Variants in CGGBP1 observed in about 807,000 individuals in gnomAD.
CGGBP1 encodes CGG triplet repeat-binding protein 1.
Under a neutral mutation model 11.4 loss-of-function variants are expected in CGGBP1, and 4 were observed. The ratio of observed to expected loss-of-function variants is 0.35; its 90% confidence interval spans 0.17 to 0.80. The LOEUF is 0.80. CGGBP1 is among the 30% of genes least tolerant of loss of function. The pLI, the probability that CGGBP1 is intolerant of heterozygous loss-of-function variation, is 0.52. For missense variants in CGGBP1, 135 were observed against 202.1 expected, an observed-to-expected ratio of 0.67 and a Z score of 2.01; for synonymous variants, 76 against 74.1, an observed-to-expected ratio of 1.03 and a Z score of -0.13.
chr3:88,140,609 C>G (rs746479451), intron 2 of CGGBP1: 2 of 1,613,658 alleles, frequency 1.2e-6, no homozygotes, highest in Non-Finnish European at 1.7e-6. Flanking sequence ...TCAATGGACA[C>G]AGTGAAATAG....
chr3:88,135,673 ATG>A (rs1393610254), intron 2 of CGGBP1, among the ~76,000 whole-genome samples: 1 of 152,100 alleles, frequency 6.6e-6, no homozygotes, highest in Admixed American at 6.6e-5. Flanking sequence ...AATTGTAAAA[ATG>A]TGTTACCTCT....
At chr3:88,078,686 A>T (rs1707936034) in intron 2 of CGGBP1, among the ~76,000 whole-genome samples, 1 of 152,104 alleles carries the variant, frequency 6.6e-6, no homozygotes. Flanking sequence ...TTTCTACTTT[A>T]AAAAAATGGA....
intron 2 of CGGBP1, among the ~76,000 whole-genome samples, chr3:88,099,050 T>C (rs930169027): frequency 8.5e-5 from 13 of 152,220 alleles, no homozygotes; most frequent in African/African-American, 2.4e-4. Flanking sequence ...AAATTGTCCC[T>C]GTTTGCAGAT....
At chr3:88,130,617 ATT>A (rs10674029) in intron 2 of CGGBP1, among the ~76,000 whole-genome samples, 1 of 129,202 alleles carries the variant, frequency 7.7e-6, no homozygotes, top group African/African-American at 2.9e-5. Flanking sequence ...TGCCCAGCTA[ATT>A]TTTTTTTTTT....
chr3:88,144,014 T>C (rs1463260644), intron 1 of CGGBP1: 1 of 152,352 alleles, frequency 6.6e-6, no homozygotes, highest in African/African-American at 2.4e-5. Flanking sequence ...TTTTTCTGTT[T>C]TGAGGATGTA....
chr3:88,055,467 T>A lies in CGGBP1; in HGVS notation c.*6A>T. On this transcript the variant is annotated 3_prime_UTR_variant, in exon 4 of 4. Coordinates refer to ENST00000482016, the MANE Select transcript of CGGBP1 (RefSeq NM_001008390.2). The surrounding 1 kb of genome is among the most constrained non-coding windows in gnomAD (Gnocchi z 4.2). The stretch of plus-strand genomic sequence containing the variant: ...TATCTTGATCACAATGGTGGTAACC[T>A]CCTAGTCAACAATCTTGTGAGTTGA... 2.0e-6 allele frequency: 3 copies of A among 1,514,046 alleles called. No homozygotes were observed. Among genetic ancestry groups the A allele is most frequent in the African/African-American group, 1.4e-5 (1 of 71,898 alleles). 93.8% of individuals were successfully genotyped at this position (1,514,046 alleles called of 1,614,324 possible). A position where few individuals can be genotyped will look rare whatever the true frequency, so the allele number is the denominator to read the frequency against.
chr3:88,148,226 A>G (rs1707344094), intron 1 of CGGBP1, among the ~76,000 whole-genome samples: 1 of 152,146 alleles, frequency 6.6e-6, no homozygotes, highest in Non-Finnish European at 1.5e-5. Context: ...CTGGCCGACT[A>G]TATAGTTTCT....
chr3:88,059,717 A>G (rs1377962851), upstream of CGGBP1, among the ~76,000 whole-genome samples: 1 of 151,626 alleles, frequency 6.6e-6, no homozygotes, highest in African/African-American at 2.4e-5. Context: ...GGTTGCTGAG[A>G]AAGTGAGTTT....
chr3:88,077,819 A>T (rs1707895221), intron 2 of CGGBP1, among the ~76,000 whole-genome samples: 1 of 152,228 alleles, frequency 6.6e-6, no homozygotes, highest in Admixed American at 6.5e-5. Context: ...TGTGTGTTTA[A>T]TGGAAATCAT....
At chr3:88,078,020 G>C (rs1707904401) in intron 2 of CGGBP1, among the ~76,000 whole-genome samples, 1 of 152,040 alleles carries the variant, frequency 6.6e-6, no homozygotes, top group African/African-American at 2.4e-5. Flanking sequence ...AAATTTCTTT[G>C]TATTTAATAT....
intron 2 of CGGBP1, among the ~76,000 whole-genome samples, chr3:88,109,977 A>G (rs955807568): frequency 6.6e-6 from 1 of 152,164 alleles, no homozygotes; most frequent in African/African-American, 2.4e-5. Context: ...AGCCTGTTAC[A>G]TTTCAACAAA....
chr3:88,081,360 T>G (rs1412310900), intron 2 of CGGBP1, among the ~76,000 whole-genome samples: 1 of 152,188 alleles, frequency 6.6e-6, no homozygotes, highest in Non-Finnish European at 1.5e-5. Flanking sequence ...TTGATAAATG[T>G]CTTGGGGGAG....
chr3:88,144,314 GC>G (rs1707256814), intron 1 of CGGBP1: 1 of 152,282 alleles, frequency 6.6e-6, no homozygotes, highest in African/African-American at 2.4e-5. Context: ...TGAAGGTTCA[GC>G]CGTACTCCTT....
rs182971258 is a variant in CGGBP1, at chr3:88,101,086, C to T, written c.-229+39884G>A. On this transcript the variant is annotated intron_variant, in intron 2 of 3. Coordinates refer to the CGGBP1 transcript ENST00000462901. ...TTGTTTCAGCTGTATTTCCCCACTC[C>T]TTACCCATTGCTAGTTATCTTTTTT... Among the ~76,000 whole-genome samples, 19 of 152,284 alleles carry T rather than the reference C, an allele frequency of 1.2e-4. No individual in the cohort carries two copies. In the East Asian group the frequency reaches 3.7e-3, roughly 29 times the overall value.
At chr3:88,130,169 A>T (rs1245146879) in intron 2 of CGGBP1, among the ~76,000 whole-genome samples, 2 of 152,176 alleles carry the variant, frequency 1.3e-5, no homozygotes, top group East Asian at 3.9e-4. Context: ...TTTAAAATGT[A>T]ATATGAGTGT....
intron 1 of CGGBP1, 26 bp downstream of exon 1, chr3:88,058,789 C>G (rs1350406335): frequency 6.6e-6 from 1 of 152,600 alleles, no homozygotes; most frequent in African/African-American, 2.4e-5. Flanking sequence ...TCGGGCCCAC[C>G]CTCGGCCTCC....
intron 2 of CGGBP1, among the ~76,000 whole-genome samples, chr3:88,126,597 T>C (rs1229306304): frequency 6.7e-6 from 1 of 150,308 alleles, no homozygotes; most frequent in Non-Finnish European, 1.5e-5. Flanking sequence ...TTTTTTTTTT[T>C]TTTTTTTAAG....
intron 2 of CGGBP1, among the ~76,000 whole-genome samples, chr3:88,092,272 A>C (rs905482174): frequency 3.9e-5 from 6 of 152,218 alleles, no homozygotes; most frequent in African/African-American, 1.4e-4. Context: ...TTGGTCATTT[A>C]TTCTGTAAAG....
chr3:88,063,815 T>G (rs13098157), upstream of CGGBP1, among the ~76,000 whole-genome samples: 118,976 of 151,880 alleles, frequency 0.78, 47,524 homozygotes, highest in South Asian at 0.91. Context: ...TCTTTCTTAC[T>G]AGTCATCCTT....
Sources: allele counts gnomAD v4.1 joint callset (sites outside exome capture counted in the v4.1 genomes callset), GRCh38; gene constraint gnomAD v4.1.1; non-coding constraint Gnocchi (gnomAD v3.1); transcripts MANE v1.5; gene names NCBI Gene and HGNC (gene_info 2026-07-23, HGNC 2026-07-21).